Variants in ACVR1 observed in about 807,000 individuals in gnomAD.
ACVR1 encodes the protein activin receptor type-1.
ACVR1 carries 38 observed loss-of-function variants against 57.1 expected under a neutral mutation model. The observed-to-expected ratio is 0.67, with a 90% CI of 0.51 to 0.87. The LOEUF is 0.87. Among genes scored for constraint, ACVR1 ranks in the 40% least tolerant of loss-of-function variants. The probability of loss-of-function intolerance (pLI) is 0.00; values close to 1 mark genes in which losing one functional copy is unlikely to be tolerated. For missense variants in ACVR1, 463 were observed against 638.2 expected (o/e 0.73, Z 2.96); for synonymous variants, 212 against 228.1 (o/e 0.93, Z 0.63).
intron 9 of ACVR1, among the ~76,000 whole-genome samples, chr2:157,740,211 C>T (rs1302412960): frequency 6.6e-6 from 1 of 151,686 alleles, no homozygotes; most frequent in Non-Finnish European, 1.5e-5. Context: ...TAGTTAATTC[C>T]AAATAACTTA....
At chr2:157,831,578 G>A (rs73966134) in intron 1 of ACVR1, among the ~76,000 whole-genome samples, 2,361 of 152,302 alleles carry the variant, frequency 0.016, 72 homozygotes, top group African/African-American at 0.053. Context: ...GCAGAGTAAA[G>A]TGAGATTTTT....
At chr2:157,794,426 C>T (rs1401203683) in intron 3 of ACVR1, among the ~76,000 whole-genome samples, 1 of 152,150 alleles carries the variant, frequency 6.6e-6, no homozygotes, top group East Asian at 1.9e-4. Context: ...CTATTACAAA[C>T]TCTCTTCTCA....
At chr2:157,818,039 T>C (rs1028577491) in intron 2 of ACVR1, among the ~76,000 whole-genome samples, 7 of 150,950 alleles carry the variant, frequency 4.6e-5, no homozygotes, top group African/African-American at 1.7e-4. Context: ...AAACTTAATG[T>C]AGTGGCCCTG....
intron 1 of ACVR1, among the ~76,000 whole-genome samples, chr2:157,828,873 T>C (rs545737123): frequency 1.3e-5 from 2 of 152,156 alleles, no homozygotes; most frequent in East Asian, 3.9e-4. Context: ...CTCAAGCGAT[T>C]TTTGTGCCTC....
chr2:157,757,043 T>A (rs565674691), intron 9 of ACVR1, among the ~76,000 whole-genome samples: 139 of 137,236 alleles, frequency 1.0e-3, no homozygotes, highest in East Asian at 1.9e-3. Flanking sequence ...TATATATATA[T>A]AAAATAGAAT....
At chr2:157,826,730 GGAAAGGAAAGGAAAGGA>G in intron 1 of ACVR1, 1 of 65,870 alleles carries the variant, frequency 1.5e-5, no homozygotes, top group South Asian at 5.7e-4. Context: ...GGAAAGGAAA[GGAAAGGAAAGGAAAGGA>G]AAGGAAAGGA....
intron 1 of ACVR1, chr2:157,819,385 CA>C (rs1688071754): frequency 6.6e-6 from 1 of 151,234 alleles, no homozygotes; most frequent in East Asian, 2.0e-4. Flanking sequence ...GAGGCTGAAG[CA>C]GGAGAATCGC....
intron 2 of ACVR1, among the ~76,000 whole-genome samples, chr2:157,801,613 A>G (rs753278039): frequency 6.6e-6 from 1 of 152,230 alleles, no homozygotes; most frequent in Non-Finnish European, 1.5e-5. Context: ...GATAGTAAAC[A>G]TTATCCTGAG....
At chr2:157,864,194 T>TAAA (rs887505811) in intron 1 of ACVR1, among the ~76,000 whole-genome samples, 5 of 151,588 alleles carry the variant, frequency 3.3e-5, no homozygotes, top group Admixed American at 3.3e-4. Flanking sequence ...AAAAATGCAG[T>TAAA]ATGGGAAATA....
In ACVR1 at chr2:157,875,885, C is replaced by G. The variant is rs1362178002; in HGVS notation, c.-272G>C. Reference sequence around the variant, plus strand: ...CAGGTCGGCGCGGCGCGGGGCGGCGCGGGGCGGGGCGGGGCGGTGCAGCCG... The same window carrying G: ...CAGGTCGGCGCGGCGCGGGGCGGCGGGGGGCGGGGCGGGGCGGTGCAGCCG... On this transcript the variant is annotated 5_prime_UTR_variant, in exon 1 of 11. Transcript: ENST00000434821. 3 of 146,282 alleles carry G rather than the reference C, an allele frequency of 2.1e-5. No individual in the cohort carries two copies. Among genetic ancestry groups the G allele is most frequent in the African/African-American group, 7.4e-5 (3 of 40,276 alleles). The allele number at this position is 146,282 out of a possible 1,614,324, so 9.1% of individuals were successfully genotyped here.
intron 3 of ACVR1, among the ~76,000 whole-genome samples, chr2:157,783,819 C>T (rs989042136): frequency 6.6e-6 from 1 of 152,184 alleles, no homozygotes; most frequent in Non-Finnish European, 1.5e-5. Context: ...TCCCATATAA[C>T]TAATTAGCAA....
intron 5 of ACVR1, among the ~76,000 whole-genome samples, chr2:157,775,215 G>C (rs956385657): frequency 6.6e-6 from 1 of 152,116 alleles, no homozygotes; most frequent in African/African-American, 2.4e-5. Context: ...AATCAGAAAA[G>C]AAAACAAATA....
chr2:157,866,168 C>T (rs966875352), intron 1 of ACVR1, among the ~76,000 whole-genome samples: 3 of 152,024 alleles, frequency 2.0e-5, no homozygotes, highest in African/African-American at 4.8e-5. Context: ...AACAAAAACA[C>T]CAATTTGAAT....
At chr2:157,756,633 CATAATCAA>C (rs1334621555) in intron 9 of ACVR1, among the ~76,000 whole-genome samples, 1 of 151,712 alleles carries the variant, frequency 6.6e-6, no homozygotes, top group Non-Finnish European at 1.5e-5. Flanking sequence ...CAAGAATGGC[CATAATCAA>C]AAAATCAAAA....
intron 5 of ACVR1, 38 bp from the exon 6 acceptor site, chr2:157,774,225 C>T (rs984766200): frequency 6.6e-7 from 1 of 1,526,018 alleles, no homozygotes. Flanking sequence ...AACGATTGAG[C>T]AATATAGCTC....
intron 1 of ACVR1, among the ~76,000 whole-genome samples, chr2:157,835,289 TAAC>T (rs1688741613): frequency 6.6e-6 from 1 of 152,186 alleles, no homozygotes; most frequent in Non-Finnish European, 1.5e-5. Context: ...CCTCAGGAGC[TAAC>T]TTAATGTGCC....
chr2:157,824,938 G>A (rs1251331878), intron 1 of ACVR1, among the ~76,000 whole-genome samples: 1 of 152,076 alleles, frequency 6.6e-6, no homozygotes, highest in Non-Finnish European at 1.5e-5. Flanking sequence ...TGGAGATGGG[G>A]TTTTGCCATG....
chr2:157,856,274 A>T (rs903299298), intron 1 of ACVR1, among the ~76,000 whole-genome samples: 1 of 152,174 alleles, frequency 6.6e-6, no homozygotes, highest in Non-Finnish European at 1.5e-5. Flanking sequence ...CTGCTGTCTT[A>T]AAAGTGCCTC....
intron 1 of ACVR1, among the ~76,000 whole-genome samples, chr2:157,870,895 G>A (rs770758846): frequency 2.6e-5 from 4 of 152,034 alleles, no homozygotes; most frequent in Non-Finnish European, 4.4e-5. Flanking sequence ...TCATCCTTAC[G>A]GACCACAGTG....
Sources: gnomAD v4.1 joint callset for allele counts (sites outside exome capture counted in the v4.1 genomes callset) on GRCh38, gnomAD v4.1.1 for gene constraint, MANE v1.5 for transcripts, NCBI Gene and HGNC (gene_info 2026-07-23, HGNC 2026-07-21) for gene names.